The following CAMTA1 variants were observed in gnomAD, a reference collection of about 807,000 sequenced individuals.
The protein encoded by CAMTA1 is calmodulin-binding transcription activator 1.
Under a neutral mutation model 170.9 loss-of-function variants are expected in CAMTA1, and 27 were observed. The ratio of observed to expected loss-of-function variants is 0.16; its 90% CI spans 0.12 to 0.22. CAMTA1 has a LOEUF of 0.22. Among genes scored for constraint, CAMTA1 ranks in the 10% least tolerant of loss-of-function variants. CAMTA1 has a pLI of 1.00. For missense variants in CAMTA1, 1,619 were observed against 2,217.2 expected (o/e 0.73, Z 5.42); for synonymous variants, 833 against 891.5 (o/e 0.93, Z 1.17).
At chr1:7,096,331 A>C (rs1252279778) in intron 4 of CAMTA1, among the ~76,000 whole-genome samples, 1 of 152,086 alleles carries the variant, frequency 6.6e-6, no homozygotes, top group African/African-American at 2.4e-5. Context: ...GGTGGACATC[A>C]AACTGTGATC....
At chr1:7,432,764 C>A (rs1342527833) in intron 5 of CAMTA1, among the ~76,000 whole-genome samples, 2 of 152,230 alleles carry the variant, frequency 1.3e-5, no homozygotes, top group Non-Finnish European at 2.9e-5. Flanking sequence ...CCCTTGTGGC[C>A]CTGCATCTCC....
Position 7,226,450 on chromosome 1 carries a change from A to G in CAMTA1, c.303-23041A>G, listed in dbSNP as rs1335552707. ...ATCCCTGTCCTTTAATTTCATTTAA[A>G]TTAACATCTTTCTCTCTGATAAAGA... On this transcript the variant is annotated intron_variant, in intron 4 of 22. Coordinates refer to ENST00000303635, the MANE Select transcript of CAMTA1 (RefSeq NM_015215.4). Among the ~76,000 whole-genome samples the G allele has an allele frequency of 2.6e-5, 4 of 152,286 alleles. No individual in the cohort carries two copies. The East Asian group carries it at 7.7e-4, about 29-fold the overall frequency.
At chr1:7,655,736 C>T (rs547092339) in intron 7 of CAMTA1, among the ~76,000 whole-genome samples, 1 of 152,220 alleles carries the variant, frequency 6.6e-6, no homozygotes, top group African/African-American at 2.4e-5. Context: ...CCGATACACC[C>T]ACACCTATAC....
chr1:6,924,587 A>AAT (rs1219688341), intron 3 of CAMTA1, among the ~76,000 whole-genome samples: 1 of 152,130 alleles, frequency 6.6e-6, no homozygotes, highest in African/African-American at 2.4e-5. Flanking sequence ...GTGAGGAGGA[A>AAT]ATATATATTT....
intron 5 of CAMTA1, among the ~76,000 whole-genome samples, chr1:7,398,710 G>T (rs2089646289): frequency 6.6e-6 from 1 of 151,980 alleles, no homozygotes; most frequent in African/African-American, 2.4e-5. Context: ...TACATCCTGT[G>T]TTCCTTTCTT....
rs1230636657 is a variant in CAMTA1 at position 7,063,338 on chromosome 1, C to G, written c.235-27966C>G. Among the ~76,000 whole-genome samples, 1 of 152,208 alleles carries G rather than the reference C, an allele frequency of 6.6e-6. No individual in the cohort carries two copies. Among genetic ancestry groups the G allele is most frequent in the African/African-American group, 2.4e-5 (1 of 41,470 alleles). ...CGTCAGTGTGCTGAGGCGCAGCTTCCCAGAGGGAGGTGTCATCTGCAGCGC... is the reference window on the plus strand; with the variant it reads ...CGTCAGTGTGCTGAGGCGCAGCTTCGCAGAGGGAGGTGTCATCTGCAGCGC... On this transcript the variant is annotated intron_variant, in intron 3 of 22. Transcript: ENST00000303635. This position sits in a 1 kb window ranked among gnomAD's most constrained non-coding sequence, Gnocchi z 4.3.
At chr1:7,737,632 C>G (rs2096781922) in intron 15 of CAMTA1, 62 bp downstream of exon 15, 7 of 1,433,082 alleles carry the variant, frequency 4.9e-6, no homozygotes, top group Admixed American at 4.2e-5. Flanking sequence ...TTTCATGCAG[C>G]TGCCCTCAGC....
Position 7,545,290 on chromosome 1 carries a change from C to T in CAMTA1, c.510+77389C>T, listed in dbSNP as rs553475642. Among the ~76,000 whole-genome samples the T allele has an allele frequency of 6.6e-5, 10 of 152,312 alleles. No homozygotes were observed. In the South Asian group the frequency reaches 2.1e-3, roughly 32 times the overall value. Reference sequence around the variant, plus strand: ...GCCAGCCTGATGTCCCATCACCCCCCAAGTATTTTAGCATCTATGCAACAA... The same window carrying T: ...GCCAGCCTGATGTCCCATCACCCCCTAAGTATTTTAGCATCTATGCAACAA... On this transcript the variant is annotated intron_variant, in intron 6 of 22. Coordinates refer to ENST00000303635, the MANE Select transcript of CAMTA1 (RefSeq NM_015215.4).
At chr1:6,895,845 G>GT (rs56029510) in intron 3 of CAMTA1, among the ~76,000 whole-genome samples, 20,334 of 152,064 alleles carry the variant, frequency 0.13, 1,789 homozygotes, top group Admixed American at 0.28. Flanking sequence ...TGGCAGTGTG[G>GT]TTTTTTTCGT....
At position 7,222,499 on chromosome 1, in the gene CAMTA1, G is replaced by A. The variant is rs556777559; in HGVS notation, c.303-26992G>A. 2.6e-5 allele frequency among the ~76,000 whole-genome samples: 4 copies of A among 152,214 alleles called. No homozygotes were observed. The South Asian group carries it at 8.3e-4, about 32-fold the overall frequency. On this transcript the variant is annotated intron_variant, in intron 4 of 22. Coordinates refer to ENST00000303635, the MANE Select transcript of CAMTA1 (RefSeq NM_015215.4). ...GGAACGTGTCCTTGCCTCCCTCCCTGGCTCTACATCACCCCATGACATAGT... is the reference window on the plus strand; with the variant it reads ...GGAACGTGTCCTTGCCTCCCTCCCTAGCTCTACATCACCCCATGACATAGT...
intron 5 of CAMTA1, among the ~76,000 whole-genome samples, chr1:7,446,181 G>GAA (rs59283865): frequency 0.019 from 2,430 of 128,270 alleles, 71 homozygotes; most frequent in African/African-American, 0.055. Context: ...ACTCTGCTGT[G>GAA]AAAAAAAAAA....
intron 5 of CAMTA1, among the ~76,000 whole-genome samples, chr1:7,424,998 G>T (rs1332923894): frequency 1.3e-5 from 2 of 152,120 alleles, no homozygotes; most frequent in Non-Finnish European, 2.9e-5. Flanking sequence ...CACTTCCAGG[G>T]GGGCTCGGGG....
intron 11 of CAMTA1, among the ~76,000 whole-genome samples, chr1:7,718,202 G>A (rs1322221884): frequency 1.3e-5 from 2 of 151,820 alleles, no homozygotes; most frequent in South Asian, 2.1e-4. Context: ...TGGGCGTTCC[G>A]TAAACACAGT....
At chr1:6,985,919 T>C (rs1184228489) in intron 3 of CAMTA1, among the ~76,000 whole-genome samples, 1 of 152,264 alleles carries the variant, frequency 6.6e-6, no homozygotes, top group East Asian at 1.9e-4. Flanking sequence ...TGCACCTCTG[T>C]GTATGGGCAG....
intron 2 of CAMTA1, among the ~76,000 whole-genome samples, chr1:6,822,277 G>T (rs772852986): frequency 2.0e-5 from 3 of 152,068 alleles, no homozygotes; most frequent in Admixed American, 1.3e-4. Flanking sequence ...ACATTAAAAA[G>T]CAGATTTTAA....
chr1:6,971,220 C>T lies in CAMTA1; in HGVS notation c.235-120084C>T, dbSNP rs376273435. On this transcript the variant is annotated intron_variant, in intron 3 of 22. Coordinates refer to ENST00000303635, the MANE Select transcript of CAMTA1 (RefSeq NM_015215.4). This position sits in a 1 kb window ranked among gnomAD's most constrained non-coding sequence, Gnocchi z 4.6. Reference sequence around the variant, plus strand: ...CACACGATGGGCCTCGCTCCTCATGCTCCCCACTCCTGATGAGTAATTACA... The same window carrying T: ...CACACGATGGGCCTCGCTCCTCATGTTCCCCACTCCTGATGAGTAATTACA... Among the ~76,000 whole-genome samples, 103 of 152,322 alleles carry T rather than the reference C, an allele frequency of 6.8e-4. 2 individuals carry two copies. The South Asian group carries it at 0.02, about 30-fold the overall frequency.
chr1:7,735,509 T>A (rs1024516461), intron 12 of CAMTA1, among the ~76,000 whole-genome samples: 1 of 151,198 alleles, frequency 6.6e-6, no homozygotes, highest in African/African-American at 2.4e-5. Flanking sequence ...TACCCGCCAG[T>A]GGAAACATTA....
At chr1:6,865,325 A>G (rs1571126650) in intron 3 of CAMTA1, among the ~76,000 whole-genome samples, 1 of 152,082 alleles carries the variant, frequency 6.6e-6, no homozygotes. Context: ...TCATTCTCTC[A>G]TTCACCAGAC....
chr1:7,466,311 T>C (rs1193238), intron 5 of CAMTA1, among the ~76,000 whole-genome samples: 84,983 of 152,114 alleles, frequency 0.56, 24,641 homozygotes, highest in Middle Eastern at 0.67. Context: ...GCAAGGGAAT[T>C]GTTTAAATTA....
Sources: allele counts gnomAD v4.1 joint callset (sites outside exome capture counted in the v4.1 genomes callset), GRCh38; gene constraint gnomAD v4.1.1; non-coding constraint Gnocchi (gnomAD v3.1); transcripts MANE v1.5; gene names NCBI Gene and HGNC (gene_info 2026-07-23, HGNC 2026-07-21).